CASZ1: variants seen among roughly 807,000 people sequenced by gnomAD.
CASZ1 encodes zinc finger protein castor homolog 1.
CASZ1 carries 28 observed loss-of-function variants against 135.2 expected under a neutral mutation model. That is an observed-to-expected ratio of 0.21 (90% CI 0.15 to 0.28). The LOEUF is 0.28. Ranked by LOEUF, CASZ1 falls within the 10% of genes least tolerant of loss-of-function variation. The pLI, the probability that CASZ1 is intolerant of heterozygous loss-of-function variation, is 1.00. For missense variants in CASZ1, 2,161 were observed against 2,453.3 expected (o/e 0.88, Z 2.52); for synonymous variants, 1,068 against 1,073.4 (o/e 0.99, Z 0.10).
chr1:10,642,500 C>T (rs776755475), intron 20 of CASZ1, among the ~76,000 whole-genome samples: 6 of 151,862 alleles, frequency 4.0e-5, no homozygotes, highest in South Asian at 2.1e-4. Context: ...GAGAGAGAGG[C>T]GGGGCAGTGC....
At position 10,741,411 on chromosome 1, in the gene CASZ1, C is replaced by T. The variant is rs569207130; in HGVS notation, c.-77+19290G>A. ...GGCGGCAGGGCACAGGGAGCAGACA[C>T]AGGTGCACACAAGCTCCAGCACTGG... On this transcript the variant is annotated intron_variant, in intron 2 of 20. Transcript: ENST00000377022. This position sits in a 1 kb window ranked among gnomAD's most constrained non-coding sequence, Gnocchi z 5.0. Among the ~76,000 whole-genome samples the T allele has an allele frequency of 1.3e-5, 2 of 152,320 alleles. No individual in the cohort carries two copies. Among genetic ancestry groups the T allele is most frequent in the African/African-American group, 4.8e-5 (2 of 41,556 alleles).
rs951573872 is a variant in CASZ1, at chr1:10,726,462, C to T, written c.-76-20918G>A. On this transcript the variant is annotated intron_variant, in intron 2 of 20. Transcript: ENST00000377022. The surrounding 1 kb of genome is among the most constrained non-coding windows in gnomAD (Gnocchi z 5.7). Reference sequence around the variant, plus strand: ...GCTGGAGCCGGAGGGAGGAGGAGGGCGGTGTAGTCCTCCAGGCTGGCCAGG... The same window carrying T: ...GCTGGAGCCGGAGGGAGGAGGAGGGTGGTGTAGTCCTCCAGGCTGGCCAGG... 3.1e-4 allele frequency among the ~76,000 whole-genome samples: 47 copies of T among 152,312 alleles called. No individual in the cohort carries two copies. Among genetic ancestry groups the T allele is most frequent in the Admixed American group, 2.6e-4 (4 of 15,312 alleles).
intron 4 of CASZ1, among the ~76,000 whole-genome samples, chr1:10,685,923 A>C (rs1638571600): frequency 6.6e-6 from 1 of 152,196 alleles, no homozygotes; most frequent in African/African-American, 2.4e-5. Flanking sequence ...GCTGACTTTC[A>C]TTTCAGCTTC....
At chr1:10,750,256 G>A (rs866493364) in intron 2 of CASZ1, among the ~76,000 whole-genome samples, 1 of 152,138 alleles carries the variant, frequency 6.6e-6, no homozygotes, top group African/African-American at 2.4e-5. Flanking sequence ...ACGCTGCTTT[G>A]CTTCGATTTT....
chr1:10,659,935 C>G lies in CASZ1; in HGVS notation c.1107G>C (p.Lys369Asn), dbSNP rs1388470008. Residue 369 changes from lysine (K) to asparagine (N), a missense_variant, in exon 6 of 21, where the codon AAG becomes AAC. By Grantham distance (94) the Lys-to-Asn change is moderately conservative. This residue lies in a region of CASZ1 where 590 missense variants were observed against 609.8 expected (regional missense o/e 0.97). Transcript: ENST00000377022. ...MGGAIAFKTG[K>N]VGRPSKYDVR... ...CGTCGTACTTGGAAGGGCGCCCCAC[C>G]TTGCCTGTCTTGAAGGCGATGGCCC... The G allele has an allele frequency of 2.5e-6, 4 of 1,612,394 alleles. No individual in the cohort carries two copies. The highest frequency in any genetic ancestry group is 3.4e-6 in the Non-Finnish European group (4 of 1,179,916).
rs773451210 is a variant in CASZ1, at chr1:10,645,048, C to A, written c.3737G>T (p.Arg1246Leu). ...FRMRGHYHCL[R>L]TGCYFVTNIT... ...GTTGGTCACAAAATAGCAGCCGGTGCGGAGGCAGTGGTAGTGCCCACGCAT... is the reference window on the plus strand; with the variant it reads ...GTTGGTCACAAAATAGCAGCCGGTGAGGAGGCAGTGGTAGTGCCCACGCAT... Residue 1246 changes from arginine to leucine, a missense_variant, in exon 18 of 21, where the codon CGC (arginine) becomes CTC (leucine). Coordinates refer to ENST00000377022, the MANE Select transcript of CASZ1 (RefSeq NM_001079843.3). The A allele has an allele frequency of 6.2e-7, 1 of 1,613,904 alleles. No homozygotes were observed. Among genetic ancestry groups the A allele is most frequent in the African/African-American group, 1.3e-5 (1 of 74,948 alleles).
At chr1:10,674,231 T>C (rs1643492927) in intron 4 of CASZ1, among the ~76,000 whole-genome samples, 1 of 152,234 alleles carries the variant, frequency 6.6e-6, no homozygotes, top group African/African-American at 2.4e-5. Flanking sequence ...AGCCCCTGAC[T>C]TCCCCGGAGA....
rs752433587 is a variant in CASZ1, at chr1:10,651,005, C to T, written c.2752G>A (p.Gly918Ser). ...GAGGCTTCGTGGGGGCCTGGGGCGC[C>T]GGTGCTCTCACCGGGTTCCGGCTTC... Reference protein sequence around the residue: ...QVKPEPGESTGAPGPHEASQD... With the variant: ...QVKPEPGESTSAPGPHEASQD... Residue 918 changes from glycine to serine, a missense_variant, in exon 12 of 21, where the codon GGC becomes AGC. Around this residue, in one of 7 missense-constraint regions of CASZ1, gnomAD observed 406 missense variants for 387.6 expected, o/e 1.05. Coordinates refer to ENST00000377022, the MANE Select transcript of CASZ1 (RefSeq NM_001079843.3). 46 of 1,570,196 alleles carry T rather than the reference C, an allele frequency of 2.9e-5. No individual in the cohort carries two copies. The highest frequency in any genetic ancestry group is 4.2e-5 in the African/African-American group (3 of 72,042).
chr1:10,641,010 C>A (rs1373702660), intron 20 of CASZ1, among the ~76,000 whole-genome samples: 1 of 152,224 alleles, frequency 6.6e-6, no homozygotes, highest in Non-Finnish European at 1.5e-5. Flanking sequence ...ACCAGCCCCA[C>A]CAGAGCGTGG....
In CASZ1 at chr1:10,759,881, G is replaced by A. The variant is rs750960979; in HGVS notation, c.-77+820C>T. 2.6e-5 allele frequency among the ~76,000 whole-genome samples: 4 copies of A among 152,128 alleles called. No homozygotes were observed. The highest frequency in any genetic ancestry group is 9.7e-5 in the African/African-American group (4 of 41,424). On this transcript the variant is annotated intron_variant, in intron 2 of 20. Transcript: ENST00000377022. The surrounding 1 kb of genome is among the most constrained non-coding windows in gnomAD (Gnocchi z 4.2). Reference sequence around the variant, plus strand: ...CTGCTTCCACCCCTAGACCTTGCCCGTGAACTTCGCAAACACCCAATCCCT... The same window carrying A: ...CTGCTTCCACCCCTAGACCTTGCCCATGAACTTCGCAAACACCCAATCCCT...
Position 10,767,510 on chromosome 1 carries a change from G to A in CASZ1, c.-233-6653C>T, listed in dbSNP as rs894076546. Among the ~76,000 whole-genome samples the A allele has an allele frequency of 2.6e-5, 4 of 152,204 alleles. No homozygotes were observed. The highest frequency in any genetic ancestry group is 1.9e-4 in the East Asian group (1 of 5,194). On this transcript the variant is annotated intron_variant, in intron 1 of 20. Coordinates refer to ENST00000377022, the MANE Select transcript of CASZ1 (RefSeq NM_001079843.3). The surrounding 1 kb of genome is among the most constrained non-coding windows in gnomAD (Gnocchi z 4.2). ...TGCAAAGCCAGGCCCAGGGAGGCCGGGAAGCAGAGAGCCGGAGGAGTCAGC... is the reference window on the plus strand; with the variant it reads ...TGCAAAGCCAGGCCCAGGGAGGCCGAGAAGCAGAGAGCCGGAGGAGTCAGC...
chr1:10,740,024 G>A (rs1393362245), intron 2 of CASZ1, among the ~76,000 whole-genome samples: 1 of 152,166 alleles, frequency 6.6e-6, no homozygotes, highest in Non-Finnish European at 1.5e-5. Context: ...TTTGCAGCTA[G>A]GATGAATGCC....
intron 1 of CASZ1, among the ~76,000 whole-genome samples, chr1:10,773,768 T>A (rs1640614926): frequency 6.6e-6 from 1 of 151,970 alleles, no homozygotes; most frequent in Admixed American, 6.5e-5. Context: ...TGAGGCACCC[T>A]GTCCCCAGCT....
At chr1:10,752,292 C>T (rs1032925859) in intron 2 of CASZ1, among the ~76,000 whole-genome samples, 1 of 152,226 alleles carries the variant, frequency 6.6e-6, no homozygotes, top group Non-Finnish European at 1.5e-5. Flanking sequence ...AGAACAGATG[C>T]CCTTAGCGGA....
chr1:10,761,449 G>A (rs920148600), intron 1 of CASZ1, among the ~76,000 whole-genome samples: 1 of 152,136 alleles, frequency 6.6e-6, no homozygotes, highest in East Asian at 1.9e-4. Flanking sequence ...CTTCCATTCT[G>A]GTACTGTGGG....
chr1:10,740,960 CAAAAAAA>C (rs374464130), intron 2 of CASZ1, among the ~76,000 whole-genome samples: 5 of 61,484 alleles, frequency 8.1e-5, no homozygotes, highest in African/African-American at 2.8e-4. Context: ...CCTGTCTGGA[CAAAAAAA>C]AAAAAAAAAA....
chr1:10,643,211 C>T lies in CASZ1; in HGVS notation c.3969G>A (p.Lys1323=), dbSNP rs1351475974. The T allele has an allele frequency of 6.2e-7, 1 of 1,612,706 alleles. No individual in the cohort carries two copies. Among genetic ancestry groups the T allele is most frequent in the Non-Finnish European group, 8.5e-7 (1 of 1,180,012 alleles). ...TCTTCCCCAGCATCCTCCGCATGTG[C>T]TTCCGCGCGTGGGAGGTCATCTGGT... ...LKHQMTSHAR[K]HMRRMLGKNF... is the part of the protein sequence containing the mutation. The change falls in exon 19 of 21, where the codon AAG becomes AAA. Residue 1323 remains lysine (K), a synonymous_variant. Coordinates refer to ENST00000377022, the MANE Select transcript of CASZ1 (RefSeq NM_001079843.3).
At chr1:10,771,570 C>T (rs1050339806) in intron 1 of CASZ1, among the ~76,000 whole-genome samples, 3 of 151,952 alleles carry the variant, frequency 2.0e-5, no homozygotes, top group South Asian at 2.1e-4. Flanking sequence ...TTTTAATTAG[C>T]GACTTATTGT....
rs1317078354 is a variant in CASZ1 at position 10,762,436 on chromosome 1, G to GA, written c.-233-1580dup. On this transcript the variant is annotated intron_variant, in intron 1 of 20. Coordinates refer to ENST00000377022, the MANE Select transcript of CASZ1 (RefSeq NM_001079843.3). The surrounding 1 kb of genome is among the most constrained non-coding windows in gnomAD (Gnocchi z 4.1). ...GAATATTTTTTTCTTTAAAAAAGAG[G>GA]AAAAAACACTTTAATGGAAACTTCA... 3.9e-5 allele frequency among the ~76,000 whole-genome samples: 6 copies of GA among 152,046 alleles called. No individual in the cohort carries two copies. The highest frequency in any genetic ancestry group is 1.4e-4 in the African/African-American group (6 of 41,402).
Sources: allele counts gnomAD v4.1 joint callset (sites outside exome capture counted in the v4.1 genomes callset), GRCh38; gene constraint gnomAD v4.1.1; regional missense constraint gnomAD v4.1.1; non-coding constraint Gnocchi (gnomAD v3.1); transcripts MANE v1.5; gene names NCBI Gene and HGNC (gene_info 2026-07-23, HGNC 2026-07-21).